The following SUGCT variants were observed in gnomAD, a reference collection of about 807,000 sequenced individuals.
SUGCT encodes succinyl-CoA:glutarate CoA-transferase.
Under a neutral mutation model 55.0 loss-of-function variants are expected in SUGCT, and 41 were observed. That is an observed-to-expected ratio of 0.74 (90% CI 0.58 to 0.97). The LOEUF is 0.97. Among genes scored for constraint, SUGCT ranks in the 50% least tolerant of loss-of-function variants. The pLI is 0.00. For missense variants in SUGCT, 568 were observed against 547.8 expected, an observed-to-expected ratio of 1.04 and a Z score of -0.37; for synonymous variants, 187 against 200.4, an observed-to-expected ratio of 0.93 and a Z score of 0.56.
chr7:40,606,947 T>C (rs1186101174), intron 12 of SUGCT, among the ~76,000 whole-genome samples: 1 of 152,182 alleles, frequency 6.6e-6, no homozygotes, highest in East Asian at 1.9e-4. Flanking sequence ...CCTTTTTATG[T>C]ATTCATATGC....
chr7:40,263,055 T>A (rs1791331726), intron 7 of SUGCT, among the ~76,000 whole-genome samples: 1 of 152,204 alleles, frequency 6.6e-6, no homozygotes, highest in Admixed American at 6.5e-5. Flanking sequence ...CCCCAGTAGC[T>A]GAGATCACAG....
intron 12 of SUGCT, among the ~76,000 whole-genome samples, chr7:40,652,126 C>A (rs1800809050): frequency 6.6e-6 from 1 of 152,054 alleles, no homozygotes; most frequent in African/African-American, 2.4e-5. Context: ...TTTCTTATTC[C>A]TTTTTGGGCA....
chr7:40,519,668 A>T (rs1217459846), intron 12 of SUGCT, among the ~76,000 whole-genome samples: 3 of 151,992 alleles, frequency 2.0e-5, no homozygotes, highest in Non-Finnish European at 4.4e-5. Flanking sequence ...AGTATAATAA[A>T]CATTTTAATG....
At chr7:40,661,581 T>C (rs1340113334) in intron 12 of SUGCT, among the ~76,000 whole-genome samples, 1 of 152,192 alleles carries the variant, frequency 6.6e-6, no homozygotes, top group Non-Finnish European at 1.5e-5. Flanking sequence ...ACCCTAAATT[T>C]TCCCCTCTCA....
chr7:40,908,529 GGAAA>G, the SUGCT span, among the ~76,000 whole-genome samples: 3 of 151,998 alleles, frequency 2.0e-5, no homozygotes, highest in African/African-American at 7.3e-5. Flanking sequence ...AAAAGTATGA[GGAAA>G]GAAAGGCAAC....
In SUGCT at chr7:40,801,644, G is replaced by A. The variant is rs532898610; in HGVS notation, c.1153+52147G>A. Among the ~76,000 whole-genome samples, 5 of 152,204 alleles carry A rather than the reference G, an allele frequency of 3.3e-5. No individual in the cohort carries two copies. The East Asian group carries it at 9.7e-4, about 29-fold the overall frequency. The stretch of plus-strand genomic sequence containing the variant: ...CACAGGAGGATGCCCCTTCTTCTGG[G>A]AGGTACAGCAGATGGCAGTGTGTAT... On this transcript the variant is annotated intron_variant, in intron 13 of 13. Coordinates refer to ENST00000335693, the MANE Select transcript of SUGCT (RefSeq NM_001193313.2).
At chr7:40,514,055 G>A (rs1216017189) in intron 12 of SUGCT, among the ~76,000 whole-genome samples, 1 of 151,996 alleles carries the variant, frequency 6.6e-6, no homozygotes, top group Non-Finnish European at 1.5e-5. Flanking sequence ...CTCCCAAAGT[G>A]CTGGGATTAC....
At chr7:40,450,510 C>A (rs1272725153) in intron 10 of SUGCT, among the ~76,000 whole-genome samples, 3 of 151,628 alleles carry the variant, frequency 2.0e-5, no homozygotes, top group Non-Finnish European at 4.4e-5. Flanking sequence ...CGCAGTGGCT[C>A]ATGCCTGCAA....
intron 6 of SUGCT, among the ~76,000 whole-genome samples, chr7:40,226,944 TTAA>T (rs143200562): frequency 0.016 from 2,491 of 151,418 alleles, 60 homozygotes; most frequent in African/African-American, 0.058. Context: ...AAATAAAAAG[TTAA>T]TTATTAATAA....
intron 9 of SUGCT, among the ~76,000 whole-genome samples, chr7:40,429,863 A>G (rs1787801295): frequency 6.6e-6 from 1 of 152,162 alleles, no homozygotes; most frequent in African/African-American, 2.4e-5. Flanking sequence ...TTTGTTCTGT[A>G]TCTCTGTATA....
chr7:40,226,923 A>G lies in SUGCT; in HGVS notation c.485-10712A>G, dbSNP rs1008872525. The stretch of plus-strand genomic sequence containing the variant: ...AACTTTTGTCTCAAACAAACAAACA[A>G]AAAATTTATTAAATAAAAAGTTAAT... On this transcript the variant is annotated intron_variant, in intron 6 of 13. Transcript: ENST00000335693. Among the ~76,000 whole-genome samples the G allele has an allele frequency of 2.0e-4, 31 of 151,790 alleles. 1 individual carries two copies. Among genetic ancestry groups the G allele is most frequent in the African/African-American group, 7.3e-4 (30 of 41,366 alleles).
chr7:40,721,612 A>C (rs1351515956), intron 12 of SUGCT, among the ~76,000 whole-genome samples: 2 of 152,206 alleles, frequency 1.3e-5, no homozygotes, highest in African/African-American at 4.8e-5. Flanking sequence ...GGTGGCCATT[A>C]TGAAATCCAT....
At chr7:40,912,801 C>CT in the SUGCT span, among the ~76,000 whole-genome samples, 1 of 150,246 alleles carries the variant, frequency 6.7e-6, no homozygotes, top group South Asian at 2.1e-4. Flanking sequence ...GCTGACTTCA[C>CT]CATAATGCAA....
chr7:40,998,059 C>T, the SUGCT span, among the ~76,000 whole-genome samples: 6 of 152,104 alleles, frequency 3.9e-5, no homozygotes, highest in South Asian at 1.2e-3. Flanking sequence ...TCAATGAGGA[C>T]TTAATTCCGG....
chr7:40,583,224 C>T (rs1247062152), intron 12 of SUGCT, among the ~76,000 whole-genome samples: 1 of 152,116 alleles, frequency 6.6e-6, no homozygotes, highest in East Asian at 1.9e-4. Context: ...GGTGAGAAAA[C>T]AGCCTTTGAA....
intron 12 of SUGCT, among the ~76,000 whole-genome samples, chr7:40,501,153 A>G (rs1364707188): frequency 6.6e-6 from 1 of 152,212 alleles, no homozygotes; most frequent in African/African-American, 2.4e-5. Context: ...GCAAGGAGAT[A>G]AAAACATAAA....
the SUGCT span, among the ~76,000 whole-genome samples, chr7:40,867,127 T>G: frequency 3.2e-4 from 43 of 135,910 alleles, no homozygotes; most frequent in Middle Eastern, 3.7e-3. Flanking sequence ...ACTCCTTATA[T>G]ATATATAATA....
intron 12 of SUGCT, among the ~76,000 whole-genome samples, chr7:40,687,632 G>A (rs756382842): frequency 2.6e-5 from 4 of 152,070 alleles, no homozygotes; most frequent in Non-Finnish European, 4.4e-5. Flanking sequence ...GGTTATACCC[G>A]CAATTTTTCT....
chr7:40,660,459 A>G lies in SUGCT; in HGVS notation c.1090-88975A>G, dbSNP rs62451216. On this transcript the variant is annotated intron_variant, in intron 12 of 13. Coordinates refer to ENST00000335693, the MANE Select transcript of SUGCT (RefSeq NM_001193313.2). ...TTTTTAGTAGAGACGGGGTTTCACC[A>G]TGTTGGTCAGGCTGGTCTCGAACTC... Among the ~76,000 whole-genome samples, 1,256 of 152,154 alleles carry G rather than the reference A, an allele frequency of 8.3e-3. 11 individuals carry two copies. Among genetic ancestry groups the G allele is most frequent in the Non-Finnish European group, 0.01 (686 of 68,006 alleles).
Sources: gnomAD v4.1 joint callset for allele counts (sites outside exome capture counted in the v4.1 genomes callset) on GRCh38, gnomAD v4.1.1 for gene constraint, MANE v1.5 for transcripts, NCBI Gene and HGNC (gene_info 2026-07-23, HGNC 2026-07-21) for gene names.